SLC44A5: variants seen among roughly 807,000 people sequenced by gnomAD.
SLC44A5 encodes solute carrier family 44 member 5, also known as choline transporter-like protein 5.
A neutral mutation model predicts 101.8 loss-of-function variants in SLC44A5; 57 were observed. That is an observed-to-expected ratio of 0.56 (90% confidence interval 0.45 to 0.70). The LOEUF (loss-of-function observed/expected upper bound fraction) is 0.70, where lower values mean the gene tolerates loss of function less well. Ranked by LOEUF, SLC44A5 falls within the 30% of genes least tolerant of loss-of-function variation. The pLI is 0.00. For missense variants in SLC44A5, 737 were observed against 853.1 expected, an observed-to-expected ratio of 0.86 and a Z score of 1.70; for synonymous variants, 281 against 290.9, an observed-to-expected ratio of 0.97 and a Z score of 0.35.
chr1:75,617,142 G>T, the SLC44A5 span, among the ~76,000 whole-genome samples: 2 of 152,116 alleles, frequency 1.3e-5, no homozygotes, highest in Admixed American at 6.6e-5. Context: ...TTACCAGGGT[G>T]TGCCACTGTG....
chr1:75,602,301 G>A (rs1184896765), intron 1 of SLC44A5, among the ~76,000 whole-genome samples: 2 of 152,094 alleles, frequency 1.3e-5, no homozygotes, highest in Non-Finnish European at 2.9e-5. Context: ...GTCAAGTGAA[G>A]GCTATGTCCT....
intron 3 of SLC44A5, among the ~76,000 whole-genome samples, chr1:75,370,709 T>A (rs1399641248): frequency 6.6e-6 from 1 of 152,194 alleles, no homozygotes; most frequent in East Asian, 1.9e-4. Context: ...AAACTGAGTA[T>A]CACCAAAGAG....
intron 2 of SLC44A5, among the ~76,000 whole-genome samples, chr1:75,396,973 T>C (rs1232645749): frequency 6.6e-6 from 1 of 152,214 alleles, no homozygotes; most frequent in East Asian, 1.9e-4. Context: ...TTTTGTTTAC[T>C]TTCATTTTCT....
At chr1:75,713,976 ACT>A in the SLC44A5 span, among the ~76,000 whole-genome samples, 1 of 134,794 alleles carries the variant, frequency 7.4e-6, no homozygotes, top group South Asian at 2.3e-4. Context: ...GAAATTTTTT[ACT>A]TTTTGTAGAG....
the SLC44A5 span, among the ~76,000 whole-genome samples, chr1:75,631,395 C>T: frequency 0.043 from 6,562 of 151,902 alleles, 196 homozygotes; most frequent in African/African-American, 0.089. Context: ...TTTTTGGAGA[C>T]AGGGTCTCAC....
At chr1:75,717,603 C>T in the SLC44A5 span, among the ~76,000 whole-genome samples, 2 of 151,912 alleles carry the variant, frequency 1.3e-5, no homozygotes, top group African/African-American at 4.8e-5. Context: ...ACCTCTGAAC[C>T]TAAAATAATT....
In SLC44A5 at chr1:75,349,205, A is replaced by C. The variant is rs1206269342; in HGVS notation, c.53-9575T>G. The stretch of plus-strand genomic sequence containing the variant: ...TATATAAAAAATTAGCCAGTGTGGC[A>C]GTGCACACCTGTAGTCCCAGCGGCT... On this transcript the variant is annotated intron_variant, in intron 3 of 23. Coordinates refer to ENST00000370859, the MANE Select transcript of SLC44A5 (RefSeq NM_001130058.2). Among the ~76,000 whole-genome samples, 8 of 152,254 alleles carry C rather than the reference A, an allele frequency of 5.3e-5. No homozygotes were observed. In the South Asian group the frequency reaches 1.2e-3, roughly 24 times the overall value.
chr1:75,552,486 G>C (rs1671989967), intron 1 of SLC44A5, among the ~76,000 whole-genome samples: 1 of 151,924 alleles, frequency 6.6e-6, no homozygotes, highest in Non-Finnish European at 1.5e-5. Context: ...AAAATATATA[G>C]GCTGAAATTT....
intron 2 of SLC44A5, among the ~76,000 whole-genome samples, chr1:75,428,660 T>C (rs909074264): frequency 1.3e-5 from 2 of 152,130 alleles, no homozygotes; most frequent in Non-Finnish European, 2.9e-5. Flanking sequence ...CAAGCACCAA[T>C]TTAGAAAGAT....
At chr1:75,634,729 T>A in the SLC44A5 span, among the ~76,000 whole-genome samples, 61 of 151,254 alleles carry the variant, frequency 4.0e-4, no homozygotes, top group South Asian at 1.3e-3. Flanking sequence ...AACCTAGGCA[T>A]TACCATTCAG....
At chr1:75,418,873 A>G (rs1392267398) in intron 2 of SLC44A5, among the ~76,000 whole-genome samples, 1 of 152,180 alleles carries the variant, frequency 6.6e-6, no homozygotes, top group South Asian at 2.1e-4. Flanking sequence ...GTCCTGCTAT[A>G]AATAACTAGA....
intron 2 of SLC44A5, among the ~76,000 whole-genome samples, chr1:75,540,836 G>A (rs1421443754): frequency 6.6e-6 from 1 of 152,018 alleles, no homozygotes; most frequent in Non-Finnish European, 1.5e-5. Context: ...GTCCGAAGAA[G>A]GTAAAAAGAT....
intron 6 of SLC44A5, among the ~76,000 whole-genome samples, chr1:75,257,264 G>GA (rs1254621579): frequency 6.6e-6 from 1 of 152,170 alleles, no homozygotes; most frequent in African/African-American, 2.4e-5. Context: ...TCAGTGAATT[G>GA]AAAACTAAGT....
At chr1:75,680,468 T>C in the SLC44A5 span, among the ~76,000 whole-genome samples, 56 of 151,790 alleles carry the variant, frequency 3.7e-4, no homozygotes, top group African/African-American at 1.2e-3. Context: ...CACTCAAAAC[T>C]GCTCAACTAC....
At chr1:75,591,495 G>A (rs1674350934) in intron 1 of SLC44A5, among the ~76,000 whole-genome samples, 1 of 152,028 alleles carries the variant, frequency 6.6e-6, no homozygotes, top group Non-Finnish European at 1.5e-5. Context: ...ATGTTCATCA[G>A]GGATATTGTT....
At chr1:75,207,846 G>A (rs1402338374) in intron 23 of SLC44A5, among the ~76,000 whole-genome samples, 1 of 152,100 alleles carries the variant, frequency 6.6e-6, no homozygotes, top group Admixed American at 6.6e-5. Context: ...AGCATAATGA[G>A]ACCTCAAACC....
intron 2 of SLC44A5, among the ~76,000 whole-genome samples, chr1:75,445,092 C>A (rs556428298): frequency 6.7e-4 from 102 of 152,256 alleles, no homozygotes; most frequent in African/African-American, 2.4e-3. Flanking sequence ...CACTCCAAAT[C>A]TCATGCTGAA....
At chr1:75,243,537 A>G (rs1314939221) in intron 7 of SLC44A5, among the ~76,000 whole-genome samples, 1 of 152,100 alleles carries the variant, frequency 6.6e-6, no homozygotes, top group Non-Finnish European at 1.5e-5. Context: ...TTAAAACAAG[A>G]TACCATACAG....
chr1:75,395,773 G>T (rs12068060), intron 3 of SLC44A5, among the ~76,000 whole-genome samples: 1 of 152,042 alleles, frequency 6.6e-6, no homozygotes, highest in Non-Finnish European at 1.5e-5. Context: ...CCATCACCTT[G>T]CTATGGTGAT....
Sources: gnomAD v4.1 joint callset for allele counts (sites outside exome capture counted in the v4.1 genomes callset) on GRCh38, gnomAD v4.1.1 for gene constraint, MANE v1.5 for transcripts, NCBI Gene and HGNC (gene_info 2026-07-23, HGNC 2026-07-21) for gene names.